NEXMIF: variants seen among roughly 807,000 people sequenced by gnomAD.
NEXMIF encodes the protein XLMR protein related to neurite extension.
A neutral mutation model predicts 62.1 loss-of-function variants in NEXMIF; 8 were observed. The ratio of observed to expected loss-of-function variants is 0.13; its 90% confidence interval spans 0.08 to 0.23. The LOEUF is 0.23. NEXMIF is among the 10% of genes least tolerant of loss of function. NEXMIF has a pLI of 1.00. For synonymous variants in NEXMIF, 404 were observed against 416.6 expected, an observed-to-expected ratio of 0.97 and a Z score of 0.37; for missense variants, 976 against 1,113.3, an observed-to-expected ratio of 0.88 and a Z score of 1.75.
intron 1 of NEXMIF, among the ~76,000 whole-genome samples, chrX:74,842,559 T>C (rs2080477456): frequency 9.0e-6 from 1 of 111,651 alleles, no homozygotes; most frequent in Admixed American, 9.5e-5. Flanking sequence ...TCAGTTGCGA[T>C]GTTAGGTTGT....
intron 1 of NEXMIF, among the ~76,000 whole-genome samples, chrX:74,818,208 C>T (rs2080382401): frequency 9.0e-6 from 1 of 111,652 alleles, no homozygotes; most frequent in Non-Finnish European, 1.9e-5. Context: ...AGGTATCACA[C>T]TACCTGATTT....
At chrX:74,875,717 T>C (rs1208644546) in intron 1 of NEXMIF, among the ~76,000 whole-genome samples, 2 of 112,145 alleles carry the variant, frequency 1.8e-5, no homozygotes, top group Admixed American at 9.4e-5. Flanking sequence ...CCTGGTTTAG[T>C]CTTGGGAGAG....
At chrX:74,866,330 T>C (rs192920693) in intron 1 of NEXMIF, among the ~76,000 whole-genome samples, 1 of 111,771 alleles carries the variant, frequency 8.9e-6, no homozygotes, top group African/African-American at 3.2e-5. Flanking sequence ...GGCCAATTTC[T>C]CCCATTTGGA....
rs759506560 is a variant in NEXMIF, at chrX:74,830,474, A to T, written c.-47-84777T>A. ...ATAGCTCTATAGTATAACTTGAAGAACTCAGGTAATGTGATTCCTTCAGTT... is the reference window on the plus strand; with the variant it reads ...ATAGCTCTATAGTATAACTTGAAGATCTCAGGTAATGTGATTCCTTCAGTT... On this transcript the variant is annotated intron_variant, in intron 1 of 3. Transcript: ENST00000055682. 8.1e-5 allele frequency among the ~76,000 whole-genome samples: 9 copies of T among 111,340 alleles called. No individual in the cohort carries two copies. The Admixed American group carries it at 8.6e-4, about 11-fold the overall frequency.
chrX:74,849,128 T>C (rs2080504411), intron 1 of NEXMIF, among the ~76,000 whole-genome samples: 1 of 112,519 alleles, frequency 8.9e-6, no homozygotes, highest in Admixed American at 9.4e-5. Context: ...TTCCAGTATG[T>C]CTGTTCAAGG....
At chrX:74,791,406 A>G (rs2080282197) in intron 1 of NEXMIF, among the ~76,000 whole-genome samples, 1 of 111,294 alleles carries the variant, frequency 9.0e-6, no homozygotes, top group African/African-American at 3.3e-5. Context: ...TTTTTGCATC[A>G]ATGTTCATCA....
chrX:74,884,614 C>T (rs576176644), intron 1 of NEXMIF, among the ~76,000 whole-genome samples: 3 of 111,827 alleles, frequency 2.7e-5, no homozygotes, highest in Non-Finnish European at 3.8e-5. Flanking sequence ...AATATATATG[C>T]GCACAATACA....
In NEXMIF at chrX:74,762,959, T is replaced by G. The variant is rs1179040426; in HGVS notation, c.-47-17262A>C. ...GTAGTTTCTTTTGCTGTGCAGAAGC[T>G]CTTTAGTTTAATTAGATACCATCTA... On this transcript the variant is annotated intron_variant, in intron 1 of 3. Coordinates refer to ENST00000055682, the MANE Select transcript of NEXMIF (RefSeq NM_001008537.3). Among the ~76,000 whole-genome samples the G allele has an allele frequency of 3.6e-5, 4 of 112,119 alleles. 1 individual carries two copies. The highest frequency in any genetic ancestry group is 3.8e-5 in the Non-Finnish European group (2 of 53,255).
At chrX:74,874,473 T>C (rs1247282816) in intron 1 of NEXMIF, among the ~76,000 whole-genome samples, 2 of 110,774 alleles carry the variant, frequency 1.8e-5, no homozygotes, top group Non-Finnish European at 3.8e-5. Context: ...CTTGGTGATG[T>C]GGGCTCTTTT....
chrX:74,876,052 G>T (rs1235171472), intron 1 of NEXMIF, among the ~76,000 whole-genome samples: 2 of 110,868 alleles, frequency 1.8e-5, no homozygotes, highest in African/African-American at 6.6e-5. Context: ...GAATGTGTTT[G>T]CTCTTGCTTT....
intron 1 of NEXMIF, among the ~76,000 whole-genome samples, chrX:74,775,137 T>C (rs1225910498): frequency 9.0e-6 from 1 of 111,701 alleles, no homozygotes; most frequent in Non-Finnish European, 1.9e-5. Context: ...TTTTATTCCT[T>C]GCTTCCTGCC....
At chrX:74,791,547 G>T (rs2080282960) in intron 1 of NEXMIF, among the ~76,000 whole-genome samples, 1 of 111,660 alleles carries the variant, frequency 9.0e-6, no homozygotes. Flanking sequence ...GTTTCAGAAG[G>T]AATGGTACCA....
intron 1 of NEXMIF, among the ~76,000 whole-genome samples, chrX:74,851,444 C>A (rs2080513182): frequency 9.0e-6 from 1 of 110,974 alleles, no homozygotes; most frequent in Non-Finnish European, 1.9e-5. Context: ...TGCCAAAAGT[C>A]AAAGACAAAG....
At chrX:74,885,572 A>G (rs1416958480) in intron 1 of NEXMIF, among the ~76,000 whole-genome samples, 6 of 111,697 alleles carry the variant, frequency 5.4e-5, no homozygotes, top group Non-Finnish European at 1.1e-4. Flanking sequence ...TCCTCGACAC[A>G]TACACCCTCC....
At chrX:74,861,700 TAAAG>T (rs2080558187) in intron 1 of NEXMIF, among the ~76,000 whole-genome samples, 1 of 111,766 alleles carries the variant, frequency 8.9e-6, no homozygotes, top group Non-Finnish European at 1.9e-5. Context: ...TCAACATTCT[TAAAG>T]AAAAGAATTT....
intron 1 of NEXMIF, among the ~76,000 whole-genome samples, chrX:74,793,256 A>G (rs1167186238): frequency 1.8e-5 from 2 of 110,186 alleles, no homozygotes; most frequent in Non-Finnish European, 3.8e-5. Flanking sequence ...GCTGGATATG[A>G]AATTCTGGGT....
chrX:74,753,386 A>G (rs1042602971), intron 1 of NEXMIF, among the ~76,000 whole-genome samples: 6 of 111,644 alleles, frequency 5.4e-5, no homozygotes, highest in African/African-American at 2.0e-4. Flanking sequence ...ACACATACAC[A>G]TTCTTGGATG....
In NEXMIF at chrX:74,884,049, C is replaced by G. The variant is rs1271724294; in HGVS notation, c.-48+40834G>C. Among the ~76,000 whole-genome samples, 4 of 111,691 alleles carry G rather than the reference C, an allele frequency of 3.6e-5. 1 individual carries two copies. The highest frequency in any genetic ancestry group is 2.9e-4 in the Admixed American group (3 of 10,512). ...GAATTTCATATCCAGCCAAACTAAGCTTCATAAGTGAAGGAGAAATAAAAT... is the reference window on the plus strand; with the variant it reads ...GAATTTCATATCCAGCCAAACTAAGGTTCATAAGTGAAGGAGAAATAAAAT... On this transcript the variant is annotated intron_variant, in intron 1 of 3. Transcript: ENST00000055682.
chrX:74,785,340 C>T (rs952348784), intron 1 of NEXMIF, among the ~76,000 whole-genome samples: 5 of 110,996 alleles, frequency 4.5e-5, no homozygotes, highest in Admixed American at 1.9e-4. Flanking sequence ...ATCCCATGTT[C>T]TTTCTACTAT....
Sources: gnomAD v4.1 joint callset for allele counts (sites outside exome capture counted in the v4.1 genomes callset) on GRCh38, gnomAD v4.1.1 for gene constraint, MANE v1.5 for transcripts, NCBI Gene and HGNC (gene_info 2026-07-23, HGNC 2026-07-21) for gene names.